Variants in RARB observed in about 807,000 individuals in gnomAD.
The protein encoded by RARB is HBV-activated protein.
A neutral mutation model predicts 51.9 loss-of-function variants in RARB; 17 were observed. The observed-to-expected ratio is 0.33, with a 90% CI of 0.22 to 0.49. The LOEUF is 0.49. Among genes scored for constraint, RARB ranks in the 20% least tolerant of loss-of-function variants. The pLI is 0.99. For missense variants in RARB, 369 were observed against 550.8 expected (o/e 0.67, Z 3.30); for synonymous variants, 215 against 195.4 (o/e 1.10, Z -0.84).
chr3:25,322,601 T>A (rs954189567), intron 5 of RARB, among the ~76,000 whole-genome samples: 1 of 152,216 alleles, frequency 6.6e-6, no homozygotes, highest in African/African-American at 2.4e-5. Flanking sequence ...ACTATGACTT[T>A]GGGACAATCT....
At chr3:25,248,927 T>C (rs1702636608) in intron 5 of RARB, among the ~76,000 whole-genome samples, 1 of 152,160 alleles carries the variant, frequency 6.6e-6, no homozygotes, top group African/African-American at 2.4e-5. Context: ...AGTTTTTTAA[T>C]TATATCTTTT....
At chr3:25,569,356 C>T (rs759397114) in intron 3 of RARB, among the ~76,000 whole-genome samples, 11 of 152,156 alleles carry the variant, frequency 7.2e-5, no homozygotes, top group Non-Finnish European at 1.2e-4. Flanking sequence ...TATGAAGTAA[C>T]GGGGCTTTGT....
At position 24,859,915 on chromosome 3, in the gene RARB, A is replaced by C. The variant is rs1451707126; in HGVS notation, c.-380+1163A>C. On this transcript the variant is annotated intron_variant, in intron 2 of 11. Transcript: ENST00000383772. ...ATTCTATATTATTCTCAGGTGTTGT[A>C]AAATATATTTTCCTTGCAATTTCTT... is the stretch of plus-strand genomic sequence containing the variant. Among the ~76,000 whole-genome samples, 3 of 152,304 alleles carry C rather than the reference A, an allele frequency of 2.0e-5. No individual in the cohort carries two copies. In the East Asian group the frequency reaches 5.8e-4, roughly 29 times the overall value.
chr3:25,349,675 T>G (rs964396280), intron 5 of RARB, among the ~76,000 whole-genome samples: 13 of 152,196 alleles, frequency 8.5e-5, no homozygotes, highest in African/African-American at 3.1e-4. Context: ...AAAAAAAAAT[T>G]TAAACCAAAG....
chr3:25,175,500 C>G (rs1178774187), intron 5 of RARB, among the ~76,000 whole-genome samples: 1 of 152,192 alleles, frequency 6.6e-6, no homozygotes, highest in Admixed American at 6.5e-5. Context: ...CCACCTTAAT[C>G]TTTCTATATT....
At chr3:24,834,392 A>C (rs375226493) in intron 1 of RARB, among the ~76,000 whole-genome samples, 10 of 152,374 alleles carry the variant, frequency 6.6e-5, no homozygotes, top group African/African-American at 2.4e-4. Flanking sequence ...AAATACATTT[A>C]AGAGACTGAG....
chr3:25,233,064 C>G (rs1360802973), intron 5 of RARB, among the ~76,000 whole-genome samples: 1 of 142,140 alleles, frequency 7.0e-6, no homozygotes. Flanking sequence ...CAACCTCTGT[C>G]TTCTGGGTTC....
chr3:25,325,788 T>G (rs1355279398), intron 5 of RARB, among the ~76,000 whole-genome samples: 3 of 145,858 alleles, frequency 2.1e-5, no homozygotes, highest in East Asian at 2.0e-4. Flanking sequence ...AGTTTGGGGG[T>G]TGTTGGGGGA....
chr3:25,199,705 T>C (rs1701341973), intron 5 of RARB, among the ~76,000 whole-genome samples: 1 of 152,166 alleles, frequency 6.6e-6, no homozygotes, highest in Non-Finnish European at 1.5e-5. Context: ...GTTTGGTTTC[T>C]TGACCTTGCG....
At chr3:25,096,588 G>C (rs527908857) in intron 3 of RARB, among the ~76,000 whole-genome samples, 1 of 152,066 alleles carries the variant, frequency 6.6e-6, no homozygotes, top group East Asian at 1.9e-4. Flanking sequence ...GACGTTTTCT[G>C]TTTCCCTCAG....
intron 4 of RARB, among the ~76,000 whole-genome samples, chr3:25,570,740 A>C (rs1172821992): frequency 6.6e-6 from 1 of 152,238 alleles, no homozygotes; most frequent in Non-Finnish European, 1.5e-5. Flanking sequence ...GACACTCAGT[A>C]GATATTTGAT....
At chr3:24,920,238 C>T (rs1695189594) in intron 2 of RARB, among the ~76,000 whole-genome samples, 1 of 152,118 alleles carries the variant, frequency 6.6e-6, no homozygotes, top group African/African-American at 2.4e-5. Flanking sequence ...AAATAGTCCA[C>T]CTCTATCCCC....
chr3:25,085,654 T>G (rs1474155786), intron 3 of RARB, among the ~76,000 whole-genome samples: 1 of 152,182 alleles, frequency 6.6e-6, no homozygotes, highest in Admixed American at 6.6e-5. Context: ...TAAATCAGAT[T>G]TTTTAGTCTT....
At position 24,931,258 on chromosome 3, in the gene RARB, G is replaced by A. The variant is rs115926533; in HGVS notation, c.-380+72506G>A. On this transcript the variant is annotated intron_variant, in intron 2 of 11. Transcript: ENST00000383772. ...AAAATATGTTTTAAATATAAGTGTA[G>A]TTTTTAAGCAATTATTTCTCTCTGC... Among the ~76,000 whole-genome samples the A allele has an allele frequency of 8.3e-3, 1,264 of 152,164 alleles. 16 individuals are homozygous for A. The highest frequency in any genetic ancestry group is 0.029 in the African/African-American group (1,194 of 41,524).
chr3:25,268,902 C>G (rs1010445937), intron 5 of RARB, among the ~76,000 whole-genome samples: 2 of 152,132 alleles, frequency 1.3e-5, no homozygotes, highest in Non-Finnish European at 2.9e-5. Flanking sequence ...TCAAACCACC[C>G]AACACCATAA....
chr3:24,901,890 TTAA>T (rs1388088097), intron 2 of RARB, among the ~76,000 whole-genome samples: 3 of 152,024 alleles, frequency 2.0e-5, no homozygotes, highest in Non-Finnish European at 4.4e-5. Context: ...ATATATAACG[TTAA>T]TAATAATAAG....
chr3:24,972,923 A>G (rs1271060741), intron 2 of RARB, among the ~76,000 whole-genome samples: 1 of 151,948 alleles, frequency 6.6e-6, no homozygotes, highest in Non-Finnish European at 1.5e-5. Context: ...CTCATTCAAT[A>G]TGTTGTCTCT....
intron 5 of RARB, among the ~76,000 whole-genome samples, chr3:25,346,887 T>A (rs1404364544): frequency 6.6e-6 from 1 of 152,200 alleles, no homozygotes; most frequent in Non-Finnish European, 1.5e-5. Flanking sequence ...GAGGCTCTGG[T>A]GAGCAAAATT....
At chr3:25,270,113 T>C (rs1703219522) in intron 5 of RARB, among the ~76,000 whole-genome samples, 1 of 152,174 alleles carries the variant, frequency 6.6e-6, no homozygotes, top group African/African-American at 2.4e-5. Context: ...TTCAAAATAT[T>C]AAAAATAGAA....
Sources: allele counts gnomAD v4.1 joint callset (sites outside exome capture counted in the v4.1 genomes callset), GRCh38; gene constraint gnomAD v4.1.1; transcripts MANE v1.5; gene names NCBI Gene and HGNC (gene_info 2026-07-23, HGNC 2026-07-21).